RPL31: variants seen among roughly 807,000 people sequenced by gnomAD.
The protein encoded by RPL31 is large ribosomal subunit protein eL31.
For synonymous variants in RPL31, 51 were observed against 55.0 expected, an observed-to-expected ratio of 0.93 and a Z score of 0.32; for missense variants, 95 against 164.0, an observed-to-expected ratio of 0.58 and a Z score of 2.30.
chr2:101,005,915 GA>G (rs1474708354), intron 3 of RPL31, 43 bp from the exon 4 acceptor site: 1 of 1,537,794 alleles, frequency 6.5e-7, no homozygotes, highest in Admixed American at 1.7e-5. Flanking sequence ...CTGCTTGGTT[GA>G]AAGGAGGCAT....
chr2:101,011,503 C>T (rs35711657), downstream of RPL31: 7 of 1,613,596 alleles, frequency 4.3e-6, no homozygotes, highest in African/African-American at 1.3e-5. Context: ...GAGGATTCCT[C>T]AACGGCGACT....
intron 1 of RPL31, 181 bp downstream of exon 1, chr2:101,002,496 G>A (rs1678577783): frequency 1.6e-6 from 1 of 608,928 alleles, no homozygotes; most frequent in South Asian, 2.0e-5. Context: ...CCAGGCTTAG[G>A]GGAGCCGGAG....
At chr2:101,010,602 C>T (rs543135086), downstream of RPL31, among the ~76,000 whole-genome samples, 32 of 151,992 alleles carry the variant, frequency 2.1e-4, no homozygotes, top group Non-Finnish European at 3.4e-4. Flanking sequence ...AGTTAATTCT[C>T]GGTCGGGCGC....
At chr2:101,004,021 TA>T (rs771757455) in intron 2 of RPL31, 136 bp from the exon 3 acceptor site, 14 of 930,752 alleles carry the variant, frequency 1.5e-5, no homozygotes, top group African/African-American at 3.3e-5. Flanking sequence ...CTGTATGCTG[TA>T]AAAACTTGGT....
At chr2:101,018,606 A>G (rs1311542196) in intron 4 of RPL31, among the ~76,000 whole-genome samples, 6 of 152,230 alleles carry the variant, frequency 3.9e-5, no homozygotes, top group Non-Finnish European at 7.3e-5. Context: ...TCAGGCTGGC[A>G]GGCAAACATT....
chr2:101,011,335 C>G, downstream of RPL31: 6 of 1,084,490 alleles, frequency 5.5e-6, no homozygotes, highest in Non-Finnish European at 8.3e-6. Flanking sequence ...GGGGATAATT[C>G]ATTGGACGAA....
chr2:101,006,652 A>G lies in RPL31; in HGVS notation c.*271A>G. On this transcript the variant is annotated 3_prime_UTR_variant, in exon 5 of 5. Coordinates refer to ENST00000264258, the MANE Select transcript of RPL31 (RefSeq NM_000993.5). ...TCTACTTGTATGTTTTGCTAATTCTAAGATAAGCATTTTTCCAGAAACCAG... is the reference window on the plus strand; with the variant it reads ...TCTACTTGTATGTTTTGCTAATTCTGAGATAAGCATTTTTCCAGAAACCAG... The G allele has an allele frequency of 2.7e-6, 1 of 367,410 alleles. No homozygotes were observed. The highest frequency in any genetic ancestry group is 4.8e-6 in the Non-Finnish European group (1 of 206,620). The allele number at this position is 367,410 out of a possible 1,614,324, so 22.8% of individuals were successfully genotyped here. A position where few individuals can be genotyped will look rare whatever the true frequency, so the allele number is the denominator to read the frequency against.
chr2:101,005,826 G>GT, intron 3 of RPL31, 133 bp from the exon 4 acceptor site: 1 of 697,826 alleles, frequency 1.4e-6, no homozygotes, highest in Non-Finnish European at 2.4e-6. Context: ...CCAGGGAACT[G>GT]TAAGTTCTAG....
intron 4 of RPL31, 95 bp from the exon 5 acceptor site, chr2:101,006,255 A>T: frequency 6.5e-7 from 1 of 1,543,960 alleles, no homozygotes; most frequent in Non-Finnish European, 8.7e-7. Context: ...AAGGTTGTGG[A>T]AAATAGAATG....
rs1035798610 is a variant in RPL31, at chr2:101,004,160, G to C, written c.110G>C (p.Gly37Ala). 6.2e-7 allele frequency: 1 copy of C among 1,613,484 alleles called. No homozygotes were observed. Among genetic ancestry groups the C allele is most frequent in the African/African-American group, 1.3e-5 (1 of 74,994 alleles). ...GTTCACTTATGTTTGAATCGTAGGG[G>C]CTTCAAGAAGCGTGCACCTCGGGCA... ...INIHKRIHGVGFKKRAPRALK... is the reference protein window; with the variant it reads ...INIHKRIHGVAFKKRAPRALK... Residue 37 changes from glycine (G) to alanine (A), a missense_variant and splice_region_variant, in exon 3 of 5, where the codon GGC (glycine) becomes GCC (alanine). Transcript: ENST00000264258.
At chr2:101,004,602 G>A (rs1678649033) in intron 3 of RPL31, 1 of 371,794 alleles carries the variant, frequency 2.7e-6, no homozygotes, top group East Asian at 4.1e-5. Flanking sequence ...GAGCCCAGTG[G>A]AGGAGGGAGG....
chr2:101,006,608 A>G lies in RPL31; in HGVS notation c.*227A>G. 2 of 444,228 alleles carry G rather than the reference A, an allele frequency of 4.5e-6. No individual in the cohort carries two copies. Among genetic ancestry groups the G allele is most frequent in the Non-Finnish European group, 7.9e-6 (2 of 253,980 alleles). The allele number at this position is 444,228 out of a possible 1,614,324, so 27.5% of individuals were successfully genotyped here. A position where few individuals can be genotyped will look rare whatever the true frequency, so the allele number is the denominator to read the frequency against. On this transcript the variant is annotated 3_prime_UTR_variant, in exon 5 of 5. Coordinates refer to ENST00000264258, the MANE Select transcript of RPL31 (RefSeq NM_000993.5). ...ACTGTTCTGGGTAGTTGGGATACTG[A>G]AGGCATATTGTTAATTATTCTACTT...
chr2:101,008,391 T>TAA (rs1298279436), downstream of RPL31: 1 of 801,270 alleles, frequency 1.2e-6, no homozygotes, highest in Non-Finnish European at 1.9e-6. Context: ...ACACAGAATA[T>TAA]AAGAAAAGGT....
At chr2:101,003,426 C>T (rs1214819027) in intron 2 of RPL31, among the ~76,000 whole-genome samples, 1 of 152,116 alleles carries the variant, frequency 6.6e-6, no homozygotes, top group South Asian at 2.1e-4. Flanking sequence ...GATTACCGGA[C>T]CCCGCCACCA....
At chr2:101,007,748 G>A (rs775738054), downstream of RPL31, 18 of 1,479,448 alleles carry the variant, frequency 1.2e-5, no homozygotes, top group Admixed American at 1.8e-5. Context: ...TCGGTTTAGG[G>A]CTGACCCCAA....
intron 3 of RPL31, 34 bp downstream of exon 3, chr2:101,004,317 T>C (rs773338390): frequency 1.9e-6 from 3 of 1,611,516 alleles, no homozygotes; most frequent in African/African-American, 1.3e-5. Flanking sequence ...AGGTGAACTT[T>C]TGCAATGACA....
At position 101,002,612 on chromosome 2, in the gene RPL31, G is replaced by A. The variant is rs1678582926; in HGVS notation, c.1-90G>A. On this transcript the variant is annotated intron_variant, in intron 1 of 4. Transcript: ENST00000264258. ...GGCCAGACTCTCAGCACCTGGAAGC[G>A]CCCCGAGAGTGACAGCGTGAGGCTG... 1.8e-6 allele frequency: 2 copies of A among 1,093,286 alleles called. 1 individual carries two copies. The highest frequency in any genetic ancestry group is 4.8e-5 in the East Asian group (2 of 41,954). 67.7% of individuals were successfully genotyped at this position (1,093,286 alleles called of 1,614,324 possible). A position where few individuals can be genotyped will look rare whatever the true frequency, so the allele number is the denominator to read the frequency against.
chr2:101,015,945 C>T (rs878935207), intron 4 of RPL31, among the ~76,000 whole-genome samples: 3 of 151,770 alleles, frequency 2.0e-5, no homozygotes, highest in East Asian at 3.9e-4. Flanking sequence ...AAGACTTAAA[C>T]GTTAGACCTA....
At chr2:101,005,095 AG>A (rs1676902922) in intron 3 of RPL31, 1 of 152,484 alleles carries the variant, frequency 6.6e-6, no homozygotes, top group Non-Finnish European at 1.5e-5. Flanking sequence ...GTGCAGCAGG[AG>A]AGGTGTCCTC....
Sources: gnomAD v4.1 joint callset for allele counts (sites outside exome capture counted in the v4.1 genomes callset) on GRCh38, gnomAD v4.1.1 for gene constraint, MANE v1.5 for transcripts, NCBI Gene and HGNC (gene_info 2026-07-23, HGNC 2026-07-21) for gene names.